Variants in NDFIP1 observed in about 807,000 individuals in gnomAD.
NDFIP1 encodes Nedd4 family interacting protein 1.
NDFIP1 carries 7 observed loss-of-function variants against 28.8 expected under a neutral mutation model. The ratio of observed to expected loss-of-function variants is 0.24; its 90% confidence interval spans 0.14 to 0.46. The LOEUF is 0.46. NDFIP1 is among the 20% of genes least tolerant of loss of function. The probability of loss-of-function intolerance (pLI) is 0.99; values close to 1 mark genes in which losing one functional copy is unlikely to be tolerated. For synonymous variants in NDFIP1, 92 were observed against 101.0 expected (o/e 0.91, Z 0.53); for missense variants, 194 against 269.1 (o/e 0.72, Z 1.95).
At chr5:142,116,827 C>T (rs1338791682) in intron 1 of NDFIP1, among the ~76,000 whole-genome samples, 1 of 152,020 alleles carries the variant, frequency 6.6e-6, no homozygotes. Context: ...TCTCGTGCCT[C>T]AGCTTCCCAA....
chr5:142,121,087 CA>C (rs1357226697), intron 1 of NDFIP1, among the ~76,000 whole-genome samples: 2 of 152,210 alleles, frequency 1.3e-5, no homozygotes, highest in Non-Finnish European at 2.9e-5. Context: ...TCAGTGTCTA[CA>C]TTTGATTTCA....
intron 7 of NDFIP1, among the ~76,000 whole-genome samples, chr5:142,146,890 G>GT (rs574769956): frequency 6.0e-4 from 92 of 152,198 alleles, no homozygotes; most frequent in African/African-American, 2.1e-3. Flanking sequence ...TTTCTGAAAT[G>GT]TTTTTTGATA....
At chr5:142,125,048 G>A (rs1245997749) in intron 1 of NDFIP1, among the ~76,000 whole-genome samples, 6 of 152,020 alleles carry the variant, frequency 3.9e-5, no homozygotes, top group East Asian at 1.9e-4. Context: ...GGATGGTCTC[G>A]ATCTCCTAAC....
intron 1 of NDFIP1, among the ~76,000 whole-genome samples, chr5:142,121,785 A>G (rs1196224048): frequency 6.6e-6 from 1 of 152,248 alleles, no homozygotes; most frequent in Non-Finnish European, 1.5e-5. Context: ...TAATATGAAT[A>G]CTTTTCATAG....
chr5:142,133,424 G>A (rs998195796), intron 3 of NDFIP1, among the ~76,000 whole-genome samples: 2 of 152,192 alleles, frequency 1.3e-5, no homozygotes, highest in Admixed American at 6.5e-5. Context: ...AACCTTGAAA[G>A]GTAGAGATTA....
At chr5:142,149,149 T>C (rs530156252) in intron 7 of NDFIP1, among the ~76,000 whole-genome samples, 2 of 152,354 alleles carry the variant, frequency 1.3e-5, no homozygotes, top group African/African-American at 4.8e-5. Context: ...CCTAGTGAGC[T>C]GTACCTATTA....
At chr5:142,123,032 G>A (rs944415831) in intron 1 of NDFIP1, among the ~76,000 whole-genome samples, 1 of 151,450 alleles carries the variant, frequency 6.6e-6, no homozygotes, top group African/African-American at 2.4e-5. Flanking sequence ...GGGTAATCTC[G>A]GCTCACTGCA....
chr5:142,125,047 C>T (rs142094478), intron 1 of NDFIP1, among the ~76,000 whole-genome samples: 25 of 152,222 alleles, frequency 1.6e-4, no homozygotes, highest in South Asian at 6.2e-4. Flanking sequence ...AGGATGGTCT[C>T]GATCTCCTAA....
intron 1 of NDFIP1, among the ~76,000 whole-genome samples, chr5:142,109,494 G>C (rs1270143289): frequency 6.6e-6 from 1 of 152,188 alleles, no homozygotes; most frequent in East Asian, 1.9e-4. Context: ...CTATTGCTCA[G>C]GGTTTCAGAG....
intron 6 of NDFIP1, among the ~76,000 whole-genome samples, chr5:142,141,269 G>A (rs1336362501): frequency 7.2e-6 from 1 of 139,722 alleles, no homozygotes; most frequent in African/African-American, 2.7e-5. Flanking sequence ...TCCACCTCCC[G>A]GGTTCACACC....
At chr5:142,144,875 T>G (rs1421060535) in intron 7 of NDFIP1, among the ~76,000 whole-genome samples, 199 bp downstream of exon 7, 2 of 152,208 alleles carry the variant, frequency 1.3e-5, no homozygotes, top group African/African-American at 4.8e-5. Context: ...TTAGAAAAAC[T>G]GCCATAGGAG....
chr5:142,112,237 T>C lies in NDFIP1; in HGVS notation c.63+3200T>C, dbSNP rs142360144. Among the ~76,000 whole-genome samples, 1,248 of 150,558 alleles carry C rather than the reference T, an allele frequency of 8.3e-3. 19 individuals are homozygous for C. Among genetic ancestry groups the C allele is most frequent in the African/African-American group, 0.029 (1,197 of 40,956 alleles). Reference sequence around the variant, plus strand: ...CCATCTCTATTAAAAATACAAAAATTAGCTGGGCGTGGTGGCGTGCACCTG... The same window carrying C: ...CCATCTCTATTAAAAATACAAAAATCAGCTGGGCGTGGTGGCGTGCACCTG... On this transcript the variant is annotated intron_variant, in intron 1 of 7. Coordinates refer to ENST00000253814, the MANE Select transcript of NDFIP1 (RefSeq NM_030571.4).
At chr5:142,123,732 C>T (rs755879677) in intron 1 of NDFIP1, among the ~76,000 whole-genome samples, 1 of 152,094 alleles carries the variant, frequency 6.6e-6, no homozygotes, top group Non-Finnish European at 1.5e-5. Flanking sequence ...ATTGTTTACT[C>T]TGTAAACAAA....
chr5:142,150,484 A>G (rs559821320), intron 7 of NDFIP1, among the ~76,000 whole-genome samples: 3 of 152,178 alleles, frequency 2.0e-5, no homozygotes, highest in South Asian at 2.1e-4. Flanking sequence ...ATATTAAAAT[A>G]TGTTCATTTC....
At position 142,144,677 on chromosome 5, in the gene NDFIP1, G is replaced by T; in HGVS notation, c.*2+1G>T. ...CCAGAGTTCTCTTTATTTATTAAAGGTATTAAAGAAAAAATTTATTCTAGT... is the reference window on the plus strand; with the variant it reads ...CCAGAGTTCTCTTTATTTATTAAAGTTATTAAAGAAAAAATTTATTCTAGT... On this transcript the variant is annotated splice_donor_variant, in intron 7 of 7. Coordinates refer to ENST00000253814, the MANE Select transcript of NDFIP1 (RefSeq NM_030571.4). LOFTEE classifies it low-confidence loss of function (3UTR_SPLICE). 1 of 1,576,874 alleles carries T rather than the reference G, an allele frequency of 6.3e-7. No homozygotes were observed. The highest frequency in any genetic ancestry group is 8.7e-7 in the Non-Finnish European group (1 of 1,153,592).
intron 1 of NDFIP1, among the ~76,000 whole-genome samples, chr5:142,115,412 T>G (rs1022817810): frequency 2.0e-5 from 3 of 152,098 alleles, no homozygotes; most frequent in Non-Finnish European, 4.4e-5. Context: ...GCCTCCTGAG[T>G]AGCTGGGATT....
In NDFIP1 at chr5:142,108,947, G is replaced by A; in HGVS notation, c.-28G>A. 5.6e-6 allele frequency: 8 copies of A among 1,428,056 alleles called. No homozygotes were observed. The highest frequency in any genetic ancestry group is 1.4e-5 in the South Asian group (1 of 72,360). 88.5% of individuals were successfully genotyped at this position (1,428,056 alleles called of 1,614,324 possible). On this transcript the variant is annotated 5_prime_UTR_variant, in exon 1 of 8. Coordinates refer to ENST00000253814, the MANE Select transcript of NDFIP1 (RefSeq NM_030571.4). Reference sequence around the variant, plus strand: ...GCCCCTTCAGCTAGCTCGCTCGCTCGCTCTGCTTCCCTGCTGCCGGCTGCG... The same window carrying A: ...GCCCCTTCAGCTAGCTCGCTCGCTCACTCTGCTTCCCTGCTGCCGGCTGCG...
intron 1 of NDFIP1, among the ~76,000 whole-genome samples, chr5:142,127,242 C>T (rs769351046): frequency 1.1e-4 from 16 of 152,170 alleles, no homozygotes; most frequent in South Asian, 2.1e-4. Context: ...TCTCAAACTC[C>T]TGACCTCAAG....
chr5:142,132,867 A>G (rs1262816163), intron 3 of NDFIP1, among the ~76,000 whole-genome samples: 1 of 152,230 alleles, frequency 6.6e-6, no homozygotes, highest in Non-Finnish European at 1.5e-5. Flanking sequence ...GGGATGCCAT[A>G]TAAACCAGTG....
Sources: allele counts gnomAD v4.1 joint callset (sites outside exome capture counted in the v4.1 genomes callset), GRCh38; gene constraint gnomAD v4.1.1; transcripts MANE v1.5; gene names NCBI Gene and HGNC (gene_info 2026-07-23, HGNC 2026-07-21).